Variants in DRC11 observed in about 807,000 individuals in gnomAD.
DRC11 encodes dynein regulatory complex subunit 11.
chr2:236,458,597 T>C, the DRC11 span, among the ~76,000 whole-genome samples: 2 of 152,162 alleles, frequency 1.3e-5, no homozygotes, highest in Non-Finnish European at 2.9e-5. Flanking sequence ...ATCACCTCAT[T>C]TGACCCCACA....
At chr2:236,379,982 T>C in the DRC11 span, among the ~76,000 whole-genome samples, 4 of 152,272 alleles carry the variant, frequency 2.6e-5, no homozygotes, top group Admixed American at 2.6e-4. Context: ...CAAAATTACT[T>C]CCCACATTAT....
the DRC11 span, among the ~76,000 whole-genome samples, chr2:236,361,520 TAAG>T: frequency 1.3e-5 from 2 of 152,202 alleles, no homozygotes; most frequent in East Asian, 1.9e-4. The surrounding 1 kb of genome is among the most constrained non-coding windows in gnomAD (Gnocchi z 5.7). Flanking sequence ...AAATGTATAA[TAAG>T]AAAATGAAGG....
At chr2:236,406,749 A>AT in the DRC11 span, among the ~76,000 whole-genome samples, 1,836 of 143,618 alleles carry the variant, frequency 0.013, 30 homozygotes, top group African/African-American at 0.038. This position sits in a 1 kb window ranked among gnomAD's most constrained non-coding sequence, Gnocchi z 4.7. Context: ...GATCTCCACT[A>AT]TTTTTTTTTT....
the DRC11 span, chr2:236,399,397 G>A: frequency 8.7e-6 from 14 of 1,607,676 alleles, no homozygotes; most frequent in Admixed American, 3.3e-5. The surrounding 1 kb of genome is among the most constrained non-coding windows in gnomAD (Gnocchi z 7.0). Context: ...GACCATGCAC[G>A]TTCTCCTAAA....
chr2:236,358,364 AATAT>A, the DRC11 span, among the ~76,000 whole-genome samples: 2 of 130,488 alleles, frequency 1.5e-5, no homozygotes, highest in African/African-American at 5.7e-5. Flanking sequence ...ATGAATATAT[AATAT>A]ATAGATATAT....
At chr2:236,507,160 A>T in the DRC11 span, 1 of 1,281,470 alleles carries the variant, frequency 7.8e-7, no homozygotes. Flanking sequence ...GGGAGGAGAA[A>T]AGAAAAGAAA....
chr2:236,490,968 GTA>G, the DRC11 span, among the ~76,000 whole-genome samples: 8 of 143,536 alleles, frequency 5.6e-5, no homozygotes, highest in Admixed American at 5.0e-4. The surrounding 1 kb of genome is among the most constrained non-coding windows in gnomAD (Gnocchi z 5.5). Context: ...GTATATATGT[GTA>G]TATATATACA....
At chr2:236,311,886 G>A in the DRC11 span, among the ~76,000 whole-genome samples, 6 of 152,088 alleles carry the variant, frequency 3.9e-5, no homozygotes, top group African/African-American at 1.4e-4. This position sits in a 1 kb window ranked among gnomAD's most constrained non-coding sequence, Gnocchi z 6.9. Flanking sequence ...GGTTTGCAGA[G>A]GATGAAACTG....
the DRC11 span, among the ~76,000 whole-genome samples, chr2:236,347,661 C>T: frequency 0.17 from 25,403 of 150,886 alleles, 2,406 homozygotes; most frequent in Non-Finnish European, 0.22. Context: ...CTCACTAGGA[C>T]GCGAAGGCAT....
the DRC11 span, among the ~76,000 whole-genome samples, chr2:236,371,775 T>C: frequency 1.3e-5 from 2 of 152,206 alleles, no homozygotes; most frequent in Admixed American, 6.5e-5. The surrounding 1 kb of genome is among the most constrained non-coding windows in gnomAD (Gnocchi z 5.1). Context: ...TTGTGTCCCA[T>C]GTACTTGAAA....
the DRC11 span, among the ~76,000 whole-genome samples, chr2:236,464,250 T>C: frequency 5.3e-5 from 8 of 152,196 alleles, no homozygotes; most frequent in African/African-American, 1.7e-4. Flanking sequence ...TAGAATCTTT[T>C]TGAGAGAAAG....
At chr2:236,336,652 C>T in the DRC11 span, among the ~76,000 whole-genome samples, 1 of 152,290 alleles carries the variant, frequency 6.6e-6, no homozygotes. This position sits in a 1 kb window ranked among gnomAD's most constrained non-coding sequence, Gnocchi z 7.3. Flanking sequence ...ACACTGCCTC[C>T]ACCCCTACTG....
At chr2:236,452,606 T>C in the DRC11 span, among the ~76,000 whole-genome samples, 1 of 152,182 alleles carries the variant, frequency 6.6e-6, no homozygotes, top group Non-Finnish European at 1.5e-5. This position sits in a 1 kb window ranked among gnomAD's most constrained non-coding sequence, Gnocchi z 4.7. Flanking sequence ...TGGCCCTCCT[T>C]GGGAAACTGA....
the DRC11 span, among the ~76,000 whole-genome samples, chr2:236,440,771 G>A: frequency 1.3e-5 from 2 of 152,062 alleles, no homozygotes; most frequent in African/African-American, 4.8e-5. Flanking sequence ...GAACACAAAG[G>A]GCTCCTGCAG....
the DRC11 span, among the ~76,000 whole-genome samples, chr2:236,468,948 A>T: frequency 6.6e-6 from 1 of 152,228 alleles, no homozygotes; most frequent in African/African-American, 2.4e-5. Flanking sequence ...TTTACAGACA[A>T]ACTATATTTT....
chr2:236,473,004 T>C, the DRC11 span, among the ~76,000 whole-genome samples: 1 of 152,160 alleles, frequency 6.6e-6, no homozygotes, highest in Non-Finnish European at 1.5e-5. The surrounding 1 kb of genome is among the most constrained non-coding windows in gnomAD (Gnocchi z 4.8). Context: ...CCCTTTTGCA[T>C]TTAAAAAGTG....
At chr2:236,478,810 T>TA in the DRC11 span, among the ~76,000 whole-genome samples, 2 of 151,930 alleles carry the variant, frequency 1.3e-5, no homozygotes, top group East Asian at 1.9e-4. This position sits in a 1 kb window ranked among gnomAD's most constrained non-coding sequence, Gnocchi z 5.9. Context: ...CTTTTTTTTT[T>TA]ACAATCCTTG....
the DRC11 span, among the ~76,000 whole-genome samples, chr2:236,389,326 T>G: frequency 6.6e-6 from 1 of 152,180 alleles, no homozygotes; most frequent in Non-Finnish European, 1.5e-5. Context: ...TCCATGGGCG[T>G]AGGACCCTCG....
chr2:236,487,860 T>C, the DRC11 span: 3 of 526,834 alleles, frequency 5.7e-6, no homozygotes, highest in South Asian at 5.7e-5. Flanking sequence ...GGTAAGTTAA[T>C]AAATCTTTCT....
Sources: allele counts gnomAD v4.1 joint callset (sites outside exome capture counted in the v4.1 genomes callset), GRCh38; gene constraint gnomAD v4.1.1; non-coding constraint Gnocchi (gnomAD v3.1); transcripts MANE v1.5; gene names NCBI Gene and HGNC (gene_info 2026-07-23, HGNC 2026-07-21).